The following GALNT17 variants were observed in gnomAD, a reference collection of about 807,000 sequenced individuals.
GALNT17 encodes the protein polypeptide N-acetylgalactosaminyltransferase 17.
In GALNT17, 29 loss-of-function variants were observed where a neutral mutation model predicts 63.7. The observed-to-expected ratio is 0.46, with a 90% CI of 0.34 to 0.62. GALNT17 has a LOEUF of 0.62. Among genes scored for constraint, GALNT17 ranks in the 20% least tolerant of loss-of-function variants. GALNT17 has a pLI of 0.01. For synonymous variants in GALNT17, 305 were observed against 318.3 expected (o/e 0.96, Z 0.45); for missense variants, 603 against 799.6 (o/e 0.75, Z 2.97).
intron 1 of GALNT17, among the ~76,000 whole-genome samples, chr7:71,159,748 G>A (rs1210876615): frequency 6.7e-6 from 1 of 149,710 alleles, no homozygotes; most frequent in Admixed American, 6.7e-5. Context: ...ACTGTCAGTC[G>A]CTGGTGTCAG....
In GALNT17 at chr7:71,642,632, TC is replaced by T. The variant is rs555012920; in HGVS notation, c.1081-22778del. Among the ~76,000 whole-genome samples the T allele has an allele frequency of 5.4e-3, 822 of 152,152 alleles. 3 individuals are homozygous for T. The highest frequency in any genetic ancestry group is 0.019 in the African/African-American group (778 of 41,510). ...AGGTGGATCACTTGAGGTCAGGAAT[TC>T]AGGACCAACCTGACCAACATGGTGA... is the stretch of plus-strand genomic sequence containing the variant. On this transcript the variant is annotated intron_variant, in intron 6 of 10. Transcript: ENST00000333538.
intron 5 of GALNT17, among the ~76,000 whole-genome samples, chr7:71,539,066 G>A (rs1329313968): frequency 6.6e-6 from 1 of 152,164 alleles, no homozygotes; most frequent in African/African-American, 2.4e-5. Flanking sequence ...GAGTAGCTGG[G>A]ATTCCAGGCG....
At chr7:71,367,456 A>T (rs1792534296) in intron 2 of GALNT17, among the ~76,000 whole-genome samples, 1 of 152,182 alleles carries the variant, frequency 6.6e-6, no homozygotes, top group Admixed American at 6.5e-5. Context: ...CCGAGAAGGG[A>T]ACCTATTTGG....
intron 5 of GALNT17, among the ~76,000 whole-genome samples, chr7:71,460,028 T>C (rs890819899): frequency 6.6e-6 from 1 of 152,160 alleles, no homozygotes; most frequent in Admixed American, 6.5e-5. Flanking sequence ...ACCAAACCAA[T>C]GTAGTTCTCT....
chr7:71,408,908 G>A (rs1354609850), intron 3 of GALNT17, among the ~76,000 whole-genome samples: 2 of 150,996 alleles, frequency 1.3e-5, no homozygotes, highest in East Asian at 1.9e-4. Context: ...GTGTGTGTAT[G>A]TATGTATGTA....
chr7:71,216,030 G>A (rs1349721112), intron 1 of GALNT17, among the ~76,000 whole-genome samples: 2 of 149,682 alleles, frequency 1.3e-5, no homozygotes, highest in African/African-American at 2.5e-5. Flanking sequence ...GCAATATCAT[G>A]AGACCTTGTC....
chr7:71,603,346 A>C (rs1276612490), intron 6 of GALNT17, among the ~76,000 whole-genome samples: 1 of 152,038 alleles, frequency 6.6e-6, no homozygotes, highest in African/African-American at 2.4e-5. Flanking sequence ...TACTATGTTA[A>C]GTGCATACAC....
chr7:71,219,808 T>G (rs1018840717), intron 1 of GALNT17, among the ~76,000 whole-genome samples: 2 of 152,192 alleles, frequency 1.3e-5, no homozygotes, highest in African/African-American at 4.8e-5. Flanking sequence ...CTGGTGATGC[T>G]TTGTTCTTTT....
chr7:71,298,711 G>GGGGTGTGT lies in GALNT17; in HGVS notation c.239-36838_239-36837insGGTGTGTG, dbSNP rs912627816. On this transcript the variant is annotated intron_variant, in intron 1 of 10. Coordinates refer to ENST00000333538, the MANE Select transcript of GALNT17 (RefSeq NM_022479.3). Reference sequence around the variant, plus strand: ...TTGTGCACGACTTTTATTCCAGTGGGGTGTGTGTGTGTGTGTGTGTGTGTG... The same window carrying GGGGTGTGT: ...TTGTGCACGACTTTTATTCCAGTGGGGGGTGTGTGTGTGTGTGTGTGTGTGTGTGTGTG... Among the ~76,000 whole-genome samples, 267 of 141,592 alleles carry GGGGTGTGT rather than the reference G, an allele frequency of 1.9e-3. 1 individual carries two copies. Among genetic ancestry groups the GGGGTGTGT allele is most frequent in the African/African-American group, 6.6e-3 (258 of 38,966 alleles). 92.9% of individuals were successfully genotyped at this position (141,592 alleles called of 152,430 possible). A position where few individuals can be genotyped will look rare whatever the true frequency, so the allele number is the denominator to read the frequency against.
intron 3 of GALNT17, among the ~76,000 whole-genome samples, chr7:71,394,705 G>A (rs916891553): frequency 1.3e-5 from 2 of 152,122 alleles, no homozygotes; most frequent in Non-Finnish European, 1.5e-5. Context: ...AGGTATCACA[G>A]TCATAATACT....
chr7:71,335,849 A>G lies in GALNT17; in HGVS notation c.422+116A>G, dbSNP rs550241291. The G allele has an allele frequency of 1.1e-4, 104 of 931,808 alleles. No individual in the cohort carries two copies. The Middle Eastern group carries it at 1.5e-3, about 13-fold the overall frequency. The allele number at this position is 931,808 out of a possible 1,614,324, so 57.7% of individuals were successfully genotyped here. On this transcript the variant is annotated intron_variant, in intron 2 of 10. Coordinates refer to ENST00000333538, the MANE Select transcript of GALNT17 (RefSeq NM_022479.3). Reference sequence around the variant, plus strand: ...TAACTCTTGGGGGAGTTTTTATTTTAGTTTCCTCTTTAATAAATAAACTTA... The same window carrying G: ...TAACTCTTGGGGGAGTTTTTATTTTGGTTTCCTCTTTAATAAATAAACTTA...
intron 1 of GALNT17, among the ~76,000 whole-genome samples, chr7:71,267,800 G>T (rs1006472656): frequency 6.6e-6 from 1 of 152,042 alleles, no homozygotes; most frequent in Non-Finnish European, 1.5e-5. Context: ...CATCACCTAG[G>T]TATTCAGCCC....
At chr7:71,431,359 C>T (rs1583946994) in intron 5 of GALNT17, among the ~76,000 whole-genome samples, 1 of 151,754 alleles carries the variant, frequency 6.6e-6, no homozygotes, top group African/African-American at 2.4e-5. Flanking sequence ...TACAGGCATG[C>T]ACCACCACAG....
intron 5 of GALNT17, among the ~76,000 whole-genome samples, chr7:71,520,772 A>C (rs1273739302): frequency 6.6e-6 from 1 of 152,112 alleles, no homozygotes; most frequent in East Asian, 1.9e-4. Context: ...AGATGGGTTT[A>C]GGAGGCGGGA....
At chr7:71,281,966 A>G (rs1790785943) in intron 1 of GALNT17, among the ~76,000 whole-genome samples, 1 of 152,144 alleles carries the variant, frequency 6.6e-6, no homozygotes, top group African/African-American at 2.4e-5. Context: ...CATCCCTACT[A>G]GGGCCCAGGT....
intron 6 of GALNT17, among the ~76,000 whole-genome samples, chr7:71,638,045 G>A (rs1165973442): frequency 1.3e-5 from 2 of 152,212 alleles, no homozygotes; most frequent in Non-Finnish European, 2.9e-5. Context: ...TCCAGGAAAG[G>A]AGTGGGCAAT....
intron 5 of GALNT17, among the ~76,000 whole-genome samples, chr7:71,513,373 T>TG (rs1788394428): frequency 6.6e-6 from 1 of 151,922 alleles, no homozygotes; most frequent in Non-Finnish European, 1.5e-5. Flanking sequence ...TGTTTTTTTT[T>TG]GTTTTTTTGT....
intron 5 of GALNT17, among the ~76,000 whole-genome samples, chr7:71,516,413 C>T (rs985299492): frequency 3.3e-5 from 5 of 152,054 alleles, no homozygotes; most frequent in Admixed American, 6.6e-5. Flanking sequence ...GCCCTTGGTA[C>T]GTGATGATGG....
intron 5 of GALNT17, among the ~76,000 whole-genome samples, chr7:71,490,451 T>G (rs982507590): frequency 6.6e-6 from 1 of 152,222 alleles, no homozygotes; most frequent in Non-Finnish European, 1.5e-5. Flanking sequence ...TAAGTGTTTG[T>G]TGTGCATGGT....
Sources: allele counts gnomAD v4.1 joint callset (sites outside exome capture counted in the v4.1 genomes callset), GRCh38; gene constraint gnomAD v4.1.1; transcripts MANE v1.5; gene names NCBI Gene and HGNC (gene_info 2026-07-23, HGNC 2026-07-21).